Variants in ST7 observed in about 807,000 individuals in gnomAD.
ST7 encodes suppression of tumorigenicity 7.
A neutral mutation model predicts 78.7 loss-of-function variants in ST7; 28 were observed. That is an observed-to-expected ratio of 0.36 (90% CI 0.26 to 0.49). The LOEUF (loss-of-function observed/expected upper bound fraction) is 0.49, where lower values mean the gene tolerates loss of function less well. ST7 is among the 20% of genes least tolerant of loss of function. The pLI, the probability that ST7 is intolerant of heterozygous loss-of-function variation, is 0.99. For synonymous variants in ST7, 247 were observed against 249.6 expected, an observed-to-expected ratio of 0.99 and a Z score of 0.10; for missense variants, 418 against 696.0, an observed-to-expected ratio of 0.60 and a Z score of 4.49.
chr7:117,177,028 A>G (rs1808391424), intron 10 of ST7, among the ~76,000 whole-genome samples: 1 of 152,230 alleles, frequency 6.6e-6, no homozygotes, highest in Non-Finnish European at 1.5e-5. Context: ...GAACCACATC[A>G]GTGCTTCAAA....
intron 1 of ST7, among the ~76,000 whole-genome samples, chr7:116,979,958 C>CTCTTTTTT (rs1554421171): frequency 0.01 from 896 of 86,222 alleles, 50 homozygotes; most frequent in African/African-American, 0.039. Context: ...TTTTGTTTCT[C>CTCTTTTTT]TTTTTTTTTT....
chr7:117,027,418 C>A (rs1381014114), intron 1 of ST7, among the ~76,000 whole-genome samples: 1 of 53,702 alleles, frequency 1.9e-5, no homozygotes, highest in African/African-American at 9.1e-5. Context: ...CCAGCCTGGG[C>A]AACAGAGTGA....
intron 3 of ST7, chr7:117,128,207 A>G (rs568125342): frequency 1.3e-5 from 2 of 152,010 alleles, no homozygotes; most frequent in African/African-American, 4.8e-5. Flanking sequence ...TTTGAATCTT[A>G]AAAGAGATTC....
intron 1 of ST7, among the ~76,000 whole-genome samples, chr7:117,069,400 T>G (rs1269233971): frequency 6.6e-6 from 1 of 152,240 alleles, no homozygotes; most frequent in Non-Finnish European, 1.5e-5. Flanking sequence ...GGGCATACAG[T>G]ATAACTTAAG....
chr7:117,024,284 G>T (rs941039079), intron 1 of ST7, among the ~76,000 whole-genome samples: 5 of 152,098 alleles, frequency 3.3e-5, no homozygotes, highest in African/African-American at 1.2e-4. Flanking sequence ...TTGCACTGCT[G>T]ACATCTGGTT....
chr7:116,982,213 C>A (rs1480081870), intron 1 of ST7, among the ~76,000 whole-genome samples: 1 of 152,000 alleles, frequency 6.6e-6, no homozygotes, highest in South Asian at 2.1e-4. Flanking sequence ...CTTTTTACTT[C>A]TTTTTTGTTT....
chr7:117,124,592 C>T (rs549083891), intron 3 of ST7, among the ~76,000 whole-genome samples: 78 of 152,238 alleles, frequency 5.1e-4, no homozygotes, highest in Middle Eastern at 3.4e-3. Context: ...GTGACATTAA[C>T]CTAACTTACT....
chr7:117,155,174 A>AG (rs1226184344), intron 9 of ST7, among the ~76,000 whole-genome samples: 3 of 152,150 alleles, frequency 2.0e-5, no homozygotes, highest in Non-Finnish European at 2.9e-5. Context: ...CTAAAGGGTG[A>AG]GAGGGAGCCA....
chr7:116,988,230 A>G (rs1794270083), intron 1 of ST7, among the ~76,000 whole-genome samples: 1 of 152,180 alleles, frequency 6.6e-6, no homozygotes, highest in Non-Finnish European at 1.5e-5. Context: ...CAGCTACATT[A>G]GTTGCTTTGA....
intron 1 of ST7, among the ~76,000 whole-genome samples, chr7:116,957,661 C>A (rs1792579327): frequency 6.6e-6 from 1 of 152,164 alleles, no homozygotes; most frequent in Admixed American, 6.5e-5. Flanking sequence ...TAAAGCAATA[C>A]TTTTCCAAAG....
chr7:117,154,712 T>G (rs1013811974), intron 9 of ST7, among the ~76,000 whole-genome samples: 1 of 152,212 alleles, frequency 6.6e-6, no homozygotes, highest in Non-Finnish European at 1.5e-5. Context: ...ATCAATATAC[T>G]TTAGTTGTTC....
intron 1 of ST7, among the ~76,000 whole-genome samples, chr7:117,062,930 A>G (rs977589039): frequency 2.0e-5 from 3 of 152,230 alleles, no homozygotes; most frequent in Non-Finnish European, 4.4e-5. Context: ...ACAGTGGAGC[A>G]TAGGATGCTG....
At chr7:117,113,359 T>C (rs1802589402) in intron 2 of ST7, among the ~76,000 whole-genome samples, 1 of 152,174 alleles carries the variant, frequency 6.6e-6, no homozygotes, top group African/African-American at 2.4e-5. Context: ...CGGTTGATAT[T>C]TTCATTTTAA....
chr7:117,134,960 T>C (rs1420807978), intron 7 of ST7, among the ~76,000 whole-genome samples: 1 of 152,074 alleles, frequency 6.6e-6, no homozygotes, highest in Non-Finnish European at 1.5e-5. Context: ...TTACATTAGC[T>C]GTGAAGTTCA....
chr7:116,989,673 C>T (rs1458654388), intron 1 of ST7, among the ~76,000 whole-genome samples: 4 of 151,586 alleles, frequency 2.6e-5, no homozygotes, highest in South Asian at 2.1e-4. Context: ...ACCCCCATCT[C>T]TAAAAAAATT....
At position 117,049,229 on chromosome 7, in the gene ST7, C is replaced by T. The variant is rs1430934560; in HGVS notation, c.152-50533C>T. 2.0e-5 allele frequency among the ~76,000 whole-genome samples: 3 copies of T among 152,160 alleles called. 1 individual carries two copies. Among genetic ancestry groups the T allele is most frequent in the Admixed American group, 2.0e-4 (3 of 15,268 alleles). Reference sequence around the variant, plus strand: ...ATCTCTACCTTAAATCCTGGTGATTCCTTCTCTTCCTTACTAATGTCCTTT... The same window carrying T: ...ATCTCTACCTTAAATCCTGGTGATTTCTTCTCTTCCTTACTAATGTCCTTT... On this transcript the variant is annotated intron_variant, in intron 1 of 15. Coordinates refer to ENST00000323984, the MANE Select transcript of ST7 (RefSeq NM_001369598.1).
intron 12 of ST7, among the ~76,000 whole-genome samples, chr7:117,193,357 T>G (rs1303717755): frequency 6.6e-6 from 1 of 152,236 alleles, no homozygotes; most frequent in Non-Finnish European, 1.5e-5. Flanking sequence ...TATTATTGGT[T>G]TCTTTTGAAT....
intron 9 of ST7, among the ~76,000 whole-genome samples, chr7:117,151,470 A>C (rs374431118): frequency 6.2e-4 from 95 of 152,308 alleles, no homozygotes; most frequent in Middle Eastern, 6.8e-3. Context: ...CTGGAATAGC[A>C]CTTTAGAGTG....
intron 9 of ST7, among the ~76,000 whole-genome samples, chr7:117,167,646 G>A (rs1418863127): frequency 6.6e-6 from 1 of 152,122 alleles, no homozygotes; most frequent in African/African-American, 2.4e-5. Context: ...CAGTTCTAGA[G>A]ATCAGGGTGT....
Sources: allele counts gnomAD v4.1 joint callset (sites outside exome capture counted in the v4.1 genomes callset), GRCh38; gene constraint gnomAD v4.1.1; transcripts MANE v1.5; gene names NCBI Gene and HGNC (gene_info 2026-07-23, HGNC 2026-07-21).